The following RBPJ variants were observed in gnomAD, a reference collection of about 807,000 sequenced individuals.
The protein encoded by RBPJ is recombining binding protein suppressor of hairless.
RBPJ carries 9 observed loss-of-function variants against 67.8 expected under a neutral mutation model. That is an observed-to-expected ratio of 0.13 (90% confidence interval 0.08 to 0.23). The LOEUF (loss-of-function observed/expected upper bound fraction) is 0.23. RBPJ is among the 10% of genes least tolerant of loss of function. The pLI, the probability that RBPJ is intolerant of heterozygous loss-of-function variation, is 1.00. For missense variants in RBPJ, 305 were observed against 595.6 expected (o/e 0.51, Z 5.08); for synonymous variants, 198 against 203.3 (o/e 0.97, Z 0.22).
At chr4:26,165,192 T>TA (rs1163060927) in intron 1 of RBPJ, among the ~76,000 whole-genome samples, 1 of 152,190 alleles carries the variant, frequency 6.6e-6, no homozygotes, top group Non-Finnish European at 1.5e-5. Flanking sequence ...TTATATATGA[T>TA]AAATAGTACA....
chr4:26,257,625 G>A (rs139757172), intron 1 of RBPJ, among the ~76,000 whole-genome samples: 1 of 152,300 alleles, frequency 6.6e-6, no homozygotes, highest in African/African-American at 2.4e-5. Flanking sequence ...GTGAAACTCT[G>A]TCTCAAAAAA....
At chr4:26,358,321 G>T (rs2109479903) in intron 1 of RBPJ, among the ~76,000 whole-genome samples, 1 of 152,090 alleles carries the variant, frequency 6.6e-6, no homozygotes, top group East Asian at 1.9e-4. Context: ...GAAGACCTGA[G>T]ATTCTTAATA....
At chr4:26,289,017 T>C (rs934781888) in intron 1 of RBPJ, among the ~76,000 whole-genome samples, 16 of 151,118 alleles carry the variant, frequency 1.1e-4, no homozygotes, top group African/African-American at 3.7e-4. Context: ...CAATTGTTTT[T>C]ACCTATTTTA....
intron 1 of RBPJ, among the ~76,000 whole-genome samples, chr4:26,197,952 A>T (rs574448926): frequency 6.6e-6 from 1 of 152,180 alleles, no homozygotes; most frequent in Non-Finnish European, 1.5e-5. Context: ...TGTAATTTTC[A>T]TTATAATACT....
the RBPJ span, among the ~76,000 whole-genome samples, chr4:26,144,028 T>A: frequency 6.6e-6 from 1 of 152,190 alleles, no homozygotes; most frequent in African/African-American, 2.4e-5. Context: ...AAGATAAACT[T>A]TATATTATGT....
chr4:26,405,667 T>C (rs954130834), intron 2 of RBPJ, among the ~76,000 whole-genome samples: 1 of 152,166 alleles, frequency 6.6e-6, no homozygotes, highest in African/African-American at 2.4e-5. Flanking sequence ...TTCTTGGTCC[T>C]TATAGGATTG....
rs982112450 is a variant in RBPJ, at chr4:26,433,704, C to T, written c.*2697C>T. 6.6e-6 allele frequency: 1 copy of T among 151,982 alleles called. No homozygotes were observed. The highest frequency in any genetic ancestry group is 2.4e-5 in the African/African-American group (1 of 41,384). The allele number at this position is 151,982 out of a possible 1,614,324, so 9.4% of individuals were successfully genotyped here. On this transcript the variant is annotated 3_prime_UTR_variant, in exon 11 of 11. Coordinates refer to ENST00000355476, the MANE Select transcript of RBPJ (RefSeq NM_015874.6). ...AGACTAAAGAGTGAAATGATTTGTC[C>T]ATTGTAGCTTATTGTTTATCAGTAG...
At chr4:26,115,136 T>A in the RBPJ span, among the ~76,000 whole-genome samples, 2 of 152,210 alleles carry the variant, frequency 1.3e-5, no homozygotes, top group African/African-American at 4.8e-5. Context: ...AATCAAGGTT[T>A]TCATTTTCTT....
chr4:26,242,041 C>T (rs749572267), intron 1 of RBPJ, among the ~76,000 whole-genome samples: 1 of 152,116 alleles, frequency 6.6e-6, no homozygotes, highest in Admixed American at 6.6e-5. Flanking sequence ...CCATTGAGAT[C>T]CTCCTTTCTT....
intron 3 of RBPJ, among the ~76,000 whole-genome samples, chr4:26,408,133 C>G (rs1733654472): frequency 6.6e-6 from 1 of 151,892 alleles, no homozygotes; most frequent in South Asian, 2.1e-4. Context: ...CCTCAGCCTC[C>G]CAAAGGATTA....
chr4:26,245,038 C>G (rs1208325261), intron 1 of RBPJ, among the ~76,000 whole-genome samples: 2 of 150,960 alleles, frequency 1.3e-5, no homozygotes, highest in Non-Finnish European at 1.5e-5. Flanking sequence ...ATAAGAATCA[C>G]CTTCTTAAAG....
intron 1 of RBPJ, among the ~76,000 whole-genome samples, chr4:26,297,364 AAGAG>A (rs34987416): frequency 0.028 from 4,125 of 147,488 alleles, 115 homozygotes; most frequent in African/African-American, 0.071. Context: ...GTACGAGAGA[AAGAG>A]AGAGAGAGAG....
intron 1 of RBPJ, among the ~76,000 whole-genome samples, chr4:26,200,755 G>C (rs1717954633): frequency 6.6e-6 from 1 of 150,510 alleles, no homozygotes; most frequent in Middle Eastern, 3.4e-3. Context: ...CTCAACTTCA[G>C]GTCTCAGATT....
At chr4:26,308,434 T>A (rs1722318889) in intron 1 of RBPJ, among the ~76,000 whole-genome samples, 2 of 152,252 alleles carry the variant, frequency 1.3e-5, no homozygotes, top group Admixed American at 6.5e-5. Flanking sequence ...ACTTTTTTCT[T>A]GCAGTAATTT....
At chr4:26,238,760 T>C (rs1252947199) in intron 1 of RBPJ, among the ~76,000 whole-genome samples, 1 of 151,244 alleles carries the variant, frequency 6.6e-6, no homozygotes, top group Non-Finnish European at 1.5e-5. Flanking sequence ...AGTGGTGGGG[T>C]CGCGGGAGGA....
At chr4:26,201,378 A>T (rs963267664) in intron 1 of RBPJ, among the ~76,000 whole-genome samples, 2 of 152,194 alleles carry the variant, frequency 1.3e-5, no homozygotes, top group African/African-American at 4.8e-5. Context: ...TGTGGTACTC[A>T]AGCATAAAGA....
chr4:26,281,526 C>A (rs985660147), intron 1 of RBPJ, among the ~76,000 whole-genome samples: 1 of 152,134 alleles, frequency 6.6e-6, no homozygotes, highest in Non-Finnish European at 1.5e-5. Flanking sequence ...GCGATCCACT[C>A]GCCTCAGCCT....
At chr4:26,266,799 G>A (rs747325947) in intron 1 of RBPJ, among the ~76,000 whole-genome samples, 6 of 152,162 alleles carry the variant, frequency 3.9e-5, no homozygotes, top group Non-Finnish European at 7.3e-5. Flanking sequence ...CTGGGTTCAA[G>A]AGCAGATATT....
chr4:26,230,483 C>T (rs1719240358), intron 1 of RBPJ, among the ~76,000 whole-genome samples: 1 of 152,160 alleles, frequency 6.6e-6, no homozygotes, highest in African/African-American at 2.4e-5. Flanking sequence ...CTATTTTAAC[C>T]CCCATTTTAT....
Sources: allele counts gnomAD v4.1 joint callset (sites outside exome capture counted in the v4.1 genomes callset), GRCh38; gene constraint gnomAD v4.1.1; transcripts MANE v1.5; gene names NCBI Gene and HGNC (gene_info 2026-07-23, HGNC 2026-07-21).